ATG9A: variants seen among roughly 807,000 people sequenced by gnomAD.
ATG9A encodes the protein autophagy related 9A, also known as autophagy-related protein 9A.
In ATG9A, 21 loss-of-function variants were observed where a neutral mutation model predicts 87.1. The ratio of observed to expected loss-of-function variants is 0.24; its 90% CI spans 0.17 to 0.35. The LOEUF is 0.35. Ranked by LOEUF, ATG9A falls within the 10% of genes least tolerant of loss-of-function variation. The pLI, the probability that ATG9A is intolerant of heterozygous loss-of-function variation, is 1.00. For missense variants in ATG9A, 836 were observed against 1,107.3 expected (o/e 0.76, Z 3.48); for synonymous variants, 422 against 441.3 (o/e 0.96, Z 0.55).
rs1950958927 is a variant in ATG9A at position 219,229,458 on chromosome 2, A to G, written c.-82+77T>C. ...TTCCTCCGTTACCCGCCGCGAGCTC[A>G]CTTAGGGCTCCGCAGGCACCCCTGG... On this transcript the variant is annotated intron_variant, in intron 1 of 15. Coordinates refer to ENST00000361242, the MANE Select transcript of ATG9A (RefSeq NM_001077198.3). The surrounding 1 kb of genome is among the most constrained non-coding windows in gnomAD (Gnocchi z 4.2). 1 of 152,216 alleles carries G rather than the reference A, an allele frequency of 6.6e-6. No individual in the cohort carries two copies. Among genetic ancestry groups the G allele is most frequent in the Non-Finnish European group, 1.5e-5 (1 of 67,910 alleles). 9.4% of individuals were successfully genotyped at this position (152,216 alleles called of 1,614,324 possible).
intron 5 of ATG9A, 109 bp downstream of exon 5, chr2:219,226,760 T>G: frequency 9.8e-7 from 1 of 1,023,406 alleles, no homozygotes; most frequent in Non-Finnish European, 1.5e-6. Context: ...TTACGGAGTT[T>G]TAGCCTAGGA....
intron 4 of ATG9A, 36 bp downstream of exon 4, chr2:219,227,734 G>T: frequency 6.2e-7 from 1 of 1,609,614 alleles, no homozygotes; most frequent in Non-Finnish European, 8.5e-7. Flanking sequence ...AGACATTAAA[G>T]GTCCCAGAGC....
intron 4 of ATG9A, among the ~76,000 whole-genome samples, 163 bp downstream of exon 4, chr2:219,227,607 A>C (rs1950888908): frequency 6.6e-6 from 1 of 152,202 alleles, no homozygotes; most frequent in South Asian, 2.1e-4. Flanking sequence ...AATGTGGGCT[A>C]TCATTACTTA....
rs1255298247 is a variant in ATG9A at position 219,222,595 on chromosome 2, A to T, written c.1848+50T>A. On this transcript the variant is annotated intron_variant, in intron 11 of 15. Transcript: ENST00000361242. This position sits in a 1 kb window ranked among gnomAD's most constrained non-coding sequence, Gnocchi z 4.3. ...CCCCATGCCCGGTCCCTCAACTCCCAGCTCCTGAAGTCCACTCTGCCCATC... is the reference window on the plus strand; with the variant it reads ...CCCCATGCCCGGTCCCTCAACTCCCTGCTCCTGAAGTCCACTCTGCCCATC... The T allele has an allele frequency of 1.9e-6, 3 of 1,607,020 alleles. No individual in the cohort carries two copies.
chr2:219,222,057 A>G lies in ATG9A; in HGVS notation c.2138T>C (p.Met713Thr). 1 of 1,613,768 alleles carries G rather than the reference A, an allele frequency of 6.2e-7. No homozygotes were observed. The highest frequency in any genetic ancestry group is 8.5e-7 in the Non-Finnish European group (1 of 1,179,854). The change falls in exon 13 of 16, where the codon ATG (methionine) becomes ACG (threonine). Residue 713 changes from methionine to threonine, a missense_variant. Around this residue, in one of 2 missense-constraint regions of ATG9A, gnomAD observed 324 missense variants for 347.6 expected, o/e 0.93. Transcript: ENST00000361242. The surrounding 1 kb of genome is among the most constrained non-coding windows in gnomAD (Gnocchi z 4.3). Reference protein sequence around the residue: ...STEMSLHALYMHQLHKQQAQA... With the variant: ...STEMSLHALYTHQLHKQQAQA... ...TTTTAGCTGTGCACTCACCTGGTGC[A>G]TATAGAGGGCATGCAGGCTCATCTC...
At position 219,223,188 on chromosome 2, in the gene ATG9A, C is replaced by T. The variant is rs958881911; in HGVS notation, c.1600-295G>A. Among the ~76,000 whole-genome samples the T allele has an allele frequency of 8.6e-5, 13 of 151,442 alleles. No individual in the cohort carries two copies. Among genetic ancestry groups the T allele is most frequent in the South Asian group, 2.1e-4 (1 of 4,802 alleles). ...CTGCAAGCTCCGCCTCCCAGGTTCA[C>T]GCCATTCTCCTGCCTCAGCCTCCCG... is the stretch of plus-strand genomic sequence containing the variant. On this transcript the variant is annotated intron_variant, in intron 10 of 15. Transcript: ENST00000361242. The surrounding 1 kb of genome is among the most constrained non-coding windows in gnomAD (Gnocchi z 4.7).
chr2:219,222,578 C>T lies in ATG9A; in HGVS notation c.1848+67G>A. On this transcript the variant is annotated intron_variant, in intron 11 of 15. Coordinates refer to ENST00000361242, the MANE Select transcript of ATG9A (RefSeq NM_001077198.3). The surrounding 1 kb of genome is among the most constrained non-coding windows in gnomAD (Gnocchi z 4.3). ...CAGCAGGAAGCCTTCCACCCCATGCCCGGTCCCTCAACTCCCAGCTCCTGA... is the reference window on the plus strand; with the variant it reads ...CAGCAGGAAGCCTTCCACCCCATGCTCGGTCCCTCAACTCCCAGCTCCTGA... 1 of 1,601,630 alleles carries T rather than the reference C, an allele frequency of 6.2e-7. No individual in the cohort carries two copies. Among genetic ancestry groups the T allele is most frequent in the Non-Finnish European group, 8.5e-7 (1 of 1,171,698 alleles).
rs778284451 is a variant in ATG9A, at chr2:219,222,987, C to T, written c.1600-94G>A. The T allele has an allele frequency of 7.0e-5, 106 of 1,508,784 alleles. No homozygotes were observed. Among genetic ancestry groups the T allele is most frequent in the Non-Finnish European group, 8.3e-5 (93 of 1,116,284 alleles). The allele number at this position is 1,508,784 out of a possible 1,614,324, so 93.5% of individuals were successfully genotyped here. On this transcript the variant is annotated intron_variant, in intron 10 of 15. Coordinates refer to ENST00000361242, the MANE Select transcript of ATG9A (RefSeq NM_001077198.3). This position sits in a 1 kb window ranked among gnomAD's most constrained non-coding sequence, Gnocchi z 4.3. ...GTGGGGAGGCCTTACCCTTGGAGAA[C>T]GGAGACCACAGTATACTGTCAATCT... is the stretch of plus-strand genomic sequence containing the variant.
Position 219,224,795 on chromosome 2 carries a change from C to T in ATG9A, c.576G>A (p.Lys192=), listed in dbSNP as rs1950827633. The change falls in exon 8 of 16, where the codon AAG becomes AAA. Residue 192 remains lysine (K), a synonymous_variant. Transcript: ENST00000361242. The surrounding 1 kb of genome is among the most constrained non-coding windows in gnomAD (Gnocchi z 7.7). ...EVQARIVQTQ[K]EHQICIHKRE... ...GTTTGTGGATGCAGATCTGGTGCTCCTTCTGCGTCTGCACGATCCGGGCCT... is the reference window on the plus strand; with the variant it reads ...GTTTGTGGATGCAGATCTGGTGCTCTTTCTGCGTCTGCACGATCCGGGCCT... 1.2e-6 allele frequency: 2 copies of T among 1,614,066 alleles called. No individual in the cohort carries two copies. The highest frequency in any genetic ancestry group is 2.7e-5 in the African/African-American group (2 of 74,920).
In ATG9A at chr2:219,224,995, C is replaced by CAA; in HGVS notation, c.516+75_516+76insTT. ...ATTTGTCAATGACAGATAAGGATAA[C>CAA]TGATGCCCAGGAATACACCCACACC... On this transcript the variant is annotated intron_variant, in intron 7 of 15. Coordinates refer to ENST00000361242, the MANE Select transcript of ATG9A (RefSeq NM_001077198.3). The surrounding 1 kb of genome is among the most constrained non-coding windows in gnomAD (Gnocchi z 7.7). The CAA allele has an allele frequency of 6.3e-7, 1 of 1,591,988 alleles. No individual in the cohort carries two copies. The highest frequency in any genetic ancestry group is 8.6e-7 in the Non-Finnish European group (1 of 1,162,552).
chr2:219,221,915 G>A lies in ATG9A; in HGVS notation c.2145+135C>T, dbSNP rs144521674. 4.8e-3 allele frequency: 3,711 copies of A among 775,568 alleles called. 22 individuals are homozygous for A. The highest frequency in any genetic ancestry group is 0.02 in the Middle Eastern group (51 of 2,614). The allele number at this position is 775,568 out of a possible 1,614,324, so 48.0% of individuals were successfully genotyped here. On this transcript the variant is annotated intron_variant, in intron 13 of 15. Transcript: ENST00000361242. ...AAGGCCCTGGATGAGAGCAGGCTTA[G>A]CTAAAAAGGATATTAAGAAGGTAGA...
rs768570243 is a variant in ATG9A, at chr2:219,222,657, T to G, written c.1836A>C (p.Gln612His). ...ACCAGGAACACACCTCAGACTCAGATTGTAAGGACTGGATAGACGTAAAGA... is the reference window on the plus strand; with the variant it reads ...ACCAGGAACACACCTCAGACTCAGAGTGTAAGGACTGGATAGACGTAAAGA... ...NALFTSIQSLQSESEPLSLIA... is the reference protein window; with the variant it reads ...NALFTSIQSLHSESEPLSLIA... The change falls in exon 11 of 16, where the codon CAA (glutamine) becomes CAC (histidine). Residue 612 changes from glutamine (Q) to histidine (H), a missense_variant. Coordinates refer to ENST00000361242, the MANE Select transcript of ATG9A (RefSeq NM_001077198.3). This position sits in a 1 kb window ranked among gnomAD's most constrained non-coding sequence, Gnocchi z 4.3. 1.2e-6 allele frequency: 2 copies of G among 1,613,952 alleles called. No homozygotes were observed. The highest frequency in any genetic ancestry group is 2.7e-5 in the African/African-American group (2 of 74,914).
rs769517669 is a variant in ATG9A, at chr2:219,221,254, G to A, written c.2194C>T (p.Arg732Cys). Residue 732 changes from arginine to cysteine, a missense_variant, in exon 14 of 16, where the codon CGC (arginine) becomes TGC (cysteine). Physicochemically the swap from Arg to Cys is radical, Grantham distance 180. Coordinates refer to ENST00000361242, the MANE Select transcript of ATG9A (RefSeq NM_001077198.3). ...TCTCCACTCTCATCACTCTCCCGGC[G>A]GTGCCATACATGCCGCTCAGGTTCA... ...QAEPERHVWH[R>C]RESDESGESA... The A allele has an allele frequency of 7.0e-6, 11 of 1,573,950 alleles. No homozygotes were observed. The highest frequency in any genetic ancestry group is 3.4e-4 in the Middle Eastern group (2 of 5,866).
chr2:219,221,881 G>A (rs998410874), intron 13 of ATG9A, among the ~76,000 whole-genome samples, 169 bp downstream of exon 13: 7 of 152,172 alleles, frequency 4.6e-5, no homozygotes, highest in African/African-American at 9.7e-5. Context: ...GGGAAACTGC[G>A]AGTGTGTGAA....
chr2:219,221,186 C>CT lies in ATG9A; in HGVS notation c.2261dup (p.Ser755ValfsTer7). 6.3e-7 allele frequency: 1 copy of CT among 1,597,316 alleles called. No individual in the cohort carries two copies. Among genetic ancestry groups the CT allele is most frequent in the South Asian group, 1.1e-5 (1 of 88,944 alleles). ...GATAGCTAGCAGAGCGAGGGATAGA[C>CT]TGGGGGGCCCGGGCGCCCTCTCCCC... On this transcript the variant is annotated frameshift_variant, in exon 14 of 16. Coordinates refer to ENST00000361242, the MANE Select transcript of ATG9A (RefSeq NM_001077198.3). LOFTEE classifies it high-confidence loss of function.
rs1041538685 is a variant in ATG9A, at chr2:219,223,904, G to A, written c.1384C>T (p.Arg462Trp). 6 of 1,614,044 alleles carry A rather than the reference G, an allele frequency of 3.7e-6. No homozygotes were observed. The highest frequency in any genetic ancestry group is 1.3e-5 in the African/African-American group (1 of 74,926). Reference sequence around the variant, plus strand: ...TGGAAGAGCTGGGCAAACTCGTCCCGGGTCTGCGAGCGGTGGGCATTACCC... The same window carrying A: ...TGGAAGAGCTGGGCAAACTCGTCCCAGGTCTGCGAGCGGTGGGCATTACCC... Reference protein sequence around the residue: ...WQGNAHRSQTRDEFAQLFQYK... With the variant: ...WQGNAHRSQTWDEFAQLFQYK... The change falls in exon 9 of 16, where the codon CGG becomes TGG. Residue 462 changes from arginine (R) to tryptophan (W), a missense_variant. Around this residue, in one of 2 missense-constraint regions of ATG9A, gnomAD observed 512 missense variants for 759.6 expected, o/e 0.67. Coordinates refer to ENST00000361242, the MANE Select transcript of ATG9A (RefSeq NM_001077198.3). This position sits in a 1 kb window ranked among gnomAD's most constrained non-coding sequence, Gnocchi z 4.7.
rs760055298 is a variant in ATG9A at position 219,222,755 on chromosome 2, G to A, written c.1738C>T (p.Leu580Phe). The change falls in exon 11 of 16, where the codon CTC (leucine) becomes TTC (phenylalanine). Residue 580 changes from leucine to phenylalanine, a missense_variant. Coordinates refer to ENST00000361242, the MANE Select transcript of ATG9A (RefSeq NM_001077198.3). This position sits in a 1 kb window ranked among gnomAD's most constrained non-coding sequence, Gnocchi z 4.3. ...PRESTAFLGFLKEQVQRDGAA... is the reference protein window; with the variant it reads ...PRESTAFLGFFKEQVQRDGAA... ...CCATCCCGCTGAACCTGCTCCTTGA[G>A]GAAGCCTAGGAAGGCTGTGCTCTCA... 1 of 1,614,020 alleles carries A rather than the reference G, an allele frequency of 6.2e-7. No homozygotes were observed. The highest frequency in any genetic ancestry group is 8.5e-7 in the Non-Finnish European group (1 of 1,180,012).
At position 219,229,125 on chromosome 2, in the gene ATG9A, G is replaced by A. The variant is rs1320366418; in HGVS notation, c.-82+410C>T. 1 of 152,226 alleles carries A rather than the reference G, an allele frequency of 6.6e-6. No individual in the cohort carries two copies. The highest frequency in any genetic ancestry group is 1.9e-4 in the East Asian group (1 of 5,172). 9.4% of individuals were successfully genotyped at this position (152,226 alleles called of 1,614,324 possible). A position where few individuals can be genotyped will look rare whatever the true frequency, so the allele number is the denominator to read the frequency against. Reference sequence around the variant, plus strand: ...AAGTCACCACTCACAGGGTCAGTGTGGACCAGGGCCCGTGGAGCCCCGGCC... The same window carrying A: ...AAGTCACCACTCACAGGGTCAGTGTAGACCAGGGCCCGTGGAGCCCCGGCC... On this transcript the variant is annotated intron_variant, in intron 1 of 15. Transcript: ENST00000361242. This position sits in a 1 kb window ranked among gnomAD's most constrained non-coding sequence, Gnocchi z 4.2.
At chr2:219,225,250 G>A (rs554727355) in intron 6 of ATG9A, 38 bp from the exon 7 acceptor site, 35 of 1,613,078 alleles carry the variant, frequency 2.2e-5, no homozygotes, top group African/African-American at 1.6e-4. Flanking sequence ...GGTGGCCCTC[G>A]AGGAAGGAGT....
Sources: allele counts gnomAD v4.1 joint callset (sites outside exome capture counted in the v4.1 genomes callset), GRCh38; gene constraint gnomAD v4.1.1; regional missense constraint gnomAD v4.1.1; non-coding constraint Gnocchi (gnomAD v3.1); transcripts MANE v1.5; gene names NCBI Gene and HGNC (gene_info 2026-07-23, HGNC 2026-07-21).